The following C10orf143 variants were observed in gnomAD, a reference collection of about 807,000 sequenced individuals.
C10orf143 encodes chromosome 10 open reading frame 143.
At chr10:130,108,474 A>G (rs1445564188) in intron 1 of C10orf143, 1 of 763,924 alleles carries the variant, frequency 1.3e-6, no homozygotes, top group East Asian at 2.5e-5. Flanking sequence ...TGCTCTCTTC[A>G]AAAGTAATTC....
chr10:130,088,271 C>G (rs893434060), intron 1 of C10orf143, among the ~76,000 whole-genome samples: 3 of 152,108 alleles, frequency 2.0e-5, no homozygotes, highest in Non-Finnish European at 4.4e-5. Flanking sequence ...ATAATTCCAG[C>G]TACTCAGGAG....
chr10:130,081,661 A>C (rs1650338731), intron 1 of C10orf143, among the ~76,000 whole-genome samples: 1 of 151,526 alleles, frequency 6.6e-6, no homozygotes, highest in South Asian at 2.1e-4. Context: ...AAACAAAAAA[A>C]CAGAAAGGCA....
intron 3 of C10orf143, among the ~76,000 whole-genome samples, chr10:130,046,889 G>A (rs1403586618): frequency 6.6e-6 from 1 of 152,264 alleles, no homozygotes; most frequent in African/African-American, 2.4e-5. Flanking sequence ...GGGTGACAGA[G>A]TGGGGAAGTG....
At chr10:130,095,921 A>G (rs1286773594) in intron 1 of C10orf143, among the ~76,000 whole-genome samples, 2 of 152,224 alleles carry the variant, frequency 1.3e-5, no homozygotes, top group Admixed American at 6.5e-5. Context: ...AGCAATGACA[A>G]CAAAAGCCAA....
intron 3 of C10orf143, among the ~76,000 whole-genome samples, chr10:130,036,172 C>A (rs1468596750): frequency 6.6e-6 from 1 of 152,192 alleles, no homozygotes; most frequent in Non-Finnish European, 1.5e-5. Flanking sequence ...CATAGAAACT[C>A]CATGTTTCTC....
intron 1 of C10orf143, chr10:130,106,970 G>C: frequency 9.7e-7 from 1 of 1,031,594 alleles, no homozygotes. Flanking sequence ...TCCTCTAAAA[G>C]GAGCTCTGAA....
intron 1 of C10orf143, among the ~76,000 whole-genome samples, chr10:130,088,479 ATAATC>A (rs1374561288): frequency 2.0e-5 from 3 of 152,258 alleles, no homozygotes; most frequent in Non-Finnish European, 4.4e-5. Flanking sequence ...TTTATATAAA[ATAATC>A]TAATCTTTCA....
chr10:130,090,961 A>G (rs1319810104), intron 1 of C10orf143, among the ~76,000 whole-genome samples: 2 of 152,220 alleles, frequency 1.3e-5, no homozygotes, highest in African/African-American at 4.8e-5. Context: ...GGGGCAGAGC[A>G]TCTAGGAGAA....
chr10:130,099,541 TA>T, intron 1 of C10orf143, among the ~76,000 whole-genome samples: 1 of 87,412 alleles, frequency 1.1e-5, no homozygotes, highest in South Asian at 3.3e-4. Context: ...TTTATTTATT[TA>T]TTTATTTATT....
chr10:130,038,921 G>A (rs577569435), intron 3 of C10orf143, among the ~76,000 whole-genome samples: 1 of 152,310 alleles, frequency 6.6e-6, no homozygotes, highest in East Asian at 1.9e-4. Flanking sequence ...GGGGAGTGCT[G>A]CACTGGGCAG....
At chr10:130,064,878 A>C (rs2134745308) in intron 3 of C10orf143, 1 of 152,418 alleles carries the variant, frequency 6.6e-6, no homozygotes, top group Middle Eastern at 3.4e-3. Flanking sequence ...CCGCAGAAGT[A>C]ACTGGGAGAA....
intron 1 of C10orf143, among the ~76,000 whole-genome samples, chr10:130,087,939 A>C (rs929917063): frequency 2.0e-5 from 3 of 152,240 alleles, no homozygotes; most frequent in African/African-American, 7.2e-5. Flanking sequence ...TGACCTCTTC[A>C]ACAGAAAAGC....
chr10:130,097,617 C>A (rs1160762471), intron 1 of C10orf143, among the ~76,000 whole-genome samples: 2 of 152,174 alleles, frequency 1.3e-5, no homozygotes, highest in Non-Finnish European at 2.9e-5. Context: ...TATGTTCACA[C>A]AATGATCGGT....
intron 1 of C10orf143, among the ~76,000 whole-genome samples, chr10:130,087,268 G>A (rs1461458867): frequency 6.6e-6 from 1 of 152,174 alleles, no homozygotes; most frequent in Non-Finnish European, 1.5e-5. Flanking sequence ...TGCTTACGTT[G>A]AACGAGAAGA....
At chr10:130,064,678 T>A (rs1209564197) in intron 3 of C10orf143, among the ~76,000 whole-genome samples, 2 of 152,350 alleles carry the variant, frequency 1.3e-5, no homozygotes, top group African/African-American at 4.8e-5. Context: ...ATACTATTCA[T>A]ATATTCATAA....
chr10:130,039,025 G>A (rs1389448933), intron 3 of C10orf143, among the ~76,000 whole-genome samples: 4 of 152,260 alleles, frequency 2.6e-5, no homozygotes, highest in Non-Finnish European at 5.9e-5. Flanking sequence ...TAAAAGTCCT[G>A]CATCCCAAGA....
chr10:130,090,510 C>A (rs998148975), intron 1 of C10orf143, among the ~76,000 whole-genome samples: 50 of 152,308 alleles, frequency 3.3e-4, no homozygotes, highest in Middle Eastern at 3.4e-3. Context: ...ACCAAGCTAA[C>A]TGCAGGAGTT....
rs1861746324 is a variant in C10orf143 at position 130,110,529 on chromosome 10, A to G, written c.69+175T>C. On this transcript the variant is annotated intron_variant, in intron 1 of 3. Coordinates refer to ENST00000637128, the MANE Select transcript of C10orf143 (RefSeq NM_001355042.2). ...GAGAGCGGCGTCACAACCCCGCCCT[A>G]ACAGGCCACGCCCATCACTGGCCAC... is the stretch of plus-strand genomic sequence containing the variant. Among the ~76,000 whole-genome samples the G allele has an allele frequency of 2.0e-5, 3 of 152,180 alleles. No individual in the cohort carries two copies. In the South Asian group the frequency reaches 6.2e-4, roughly 32 times the overall value.
At chr10:130,096,708 G>A (rs1013858807) in intron 1 of C10orf143, among the ~76,000 whole-genome samples, 1 of 150,622 alleles carries the variant, frequency 6.6e-6, no homozygotes, top group African/African-American at 2.4e-5. Flanking sequence ...TCAGGGGGCA[G>A]GGGGCTAGGG....
Sources: gnomAD v4.1 joint callset for allele counts (sites outside exome capture counted in the v4.1 genomes callset) on GRCh38, gnomAD v4.1.1 for gene constraint, MANE v1.5 for transcripts, NCBI Gene and HGNC (gene_info 2026-07-23, HGNC 2026-07-21) for gene names.